ADCY10: variants seen among roughly 807,000 people sequenced by gnomAD.
ADCY10 encodes adenylate cyclase type 10.
ADCY10 carries 156 observed loss-of-function variants against 183.3 expected under a neutral mutation model. That is an observed-to-expected ratio of 0.85 (90% CI 0.75 to 0.97). The LOEUF (loss-of-function observed/expected upper bound fraction) is 0.97, where lower values mean the gene tolerates loss of function less well. ADCY10 is among the 50% of genes least tolerant of loss of function. The pLI, the probability that ADCY10 is intolerant of heterozygous loss-of-function variation, is 0.00. For synonymous variants in ADCY10, 645 were observed against 670.0 expected (o/e 0.96, Z 0.58); for missense variants, 1,745 against 1,934.3 (o/e 0.90, Z 1.84).
chr1:167,899,072 G>A (rs1359454615), intron 6 of ADCY10, among the ~76,000 whole-genome samples: 1 of 152,170 alleles, frequency 6.6e-6, no homozygotes, highest in Non-Finnish European at 1.5e-5. Flanking sequence ...TAAAGAAAGT[G>A]AGGGTCAATG....
chr1:167,847,358 T>C (rs1475208919), intron 19 of ADCY10, among the ~76,000 whole-genome samples: 3 of 152,324 alleles, frequency 2.0e-5, no homozygotes, highest in African/African-American at 4.8e-5. Context: ...GAGTTCATAC[T>C]AAAACATTCC....
intron 23 of ADCY10, 32 bp downstream of exon 23, chr1:167,836,276 AG>A (rs1558165121): frequency 7.1e-7 from 1 of 1,405,184 alleles, no homozygotes; most frequent in East Asian, 2.3e-5. Flanking sequence ...AATTGTCTCT[AG>A]GGTGGAGGTG....
intron 7 of ADCY10, 58 bp downstream of exon 7, chr1:167,896,537 A>G (rs930475225): frequency 2.4e-5 from 32 of 1,359,682 alleles, no homozygotes; most frequent in Non-Finnish European, 3.2e-5. Flanking sequence ...CGGCATTGAT[A>G]TAAGACCCTA....
intron 13 of ADCY10, among the ~76,000 whole-genome samples, chr1:167,872,849 A>C (rs1016644649): frequency 6.6e-6 from 1 of 151,236 alleles, no homozygotes; most frequent in African/African-American, 2.4e-5. Context: ...AGGCGGGCAG[A>C]TCACGAGATC....
chr1:167,880,272 G>A, intron 10 of ADCY10, 81 bp from the exon 11 acceptor site: 1 of 1,298,790 alleles, frequency 7.7e-7, no homozygotes, highest in Non-Finnish European at 1.1e-6. Flanking sequence ...GGGAAATAAT[G>A]TCTGGGTTGG....
Position 167,905,076 on chromosome 1 carries a change from T to A in ADCY10, c.65A>T (p.Asp22Val). 1 of 1,614,152 alleles carries A rather than the reference T, an allele frequency of 6.2e-7. No individual in the cohort carries two copies. The highest frequency in any genetic ancestry group is 8.5e-7 in the Non-Finnish European group (1 of 1,180,024). The stretch of plus-strand genomic sequence containing the variant: ...GGAGAAATGTCCATAGACAATGAGG[T>A]CTGGTAAATGAGCTGCTATTCTGAC... The part of the protein sequence containing the change: ...PIVRIAAHLP[D>V]LIVYGHFSPE... Residue 22 changes from aspartate to valine, a missense_variant, in exon 2 of 33, where the codon GAC (aspartate) becomes GTC (valine). Transcript: ENST00000367851.
chr1:167,891,587 C>T (rs1325743221), intron 8 of ADCY10, among the ~76,000 whole-genome samples: 2 of 149,018 alleles, frequency 1.3e-5, no homozygotes, highest in East Asian at 4.0e-4. Flanking sequence ...ACCCGGGAGG[C>T]GGAGCTTGCA....
Position 167,855,185 on chromosome 1 carries a change from T to C in ADCY10, c.2172-696A>G, listed in dbSNP as rs138934287. ...AAAATACAAAATTAGCTGGGCGTAG[T>C]GGGGCATGCCTGCAATCCCAGCTAC... On this transcript the variant is annotated intron_variant, in intron 17 of 32. Coordinates refer to ENST00000367851, the MANE Select transcript of ADCY10 (RefSeq NM_018417.6). Among the ~76,000 whole-genome samples, 780 of 152,214 alleles carry C rather than the reference T, an allele frequency of 5.1e-3. 7 individuals are homozygous for C. Among genetic ancestry groups the C allele is most frequent in the African/African-American group, 0.018 (752 of 41,516 alleles).
intron 17 of ADCY10, 83 bp from the exon 18 acceptor site, chr1:167,854,572 G>T: frequency 6.7e-7 from 1 of 1,502,780 alleles, no homozygotes; most frequent in Non-Finnish European, 9.3e-7. Flanking sequence ...TCAATCACTT[G>T]AAAATAATTT....
intron 1 of ADCY10, among the ~76,000 whole-genome samples, chr1:167,906,296 A>C (rs1311937139): frequency 1.3e-5 from 2 of 152,118 alleles, no homozygotes; most frequent in African/African-American, 4.8e-5. Flanking sequence ...GATAACCTTT[A>C]AAAGGAAAAG....
chr1:167,866,887 C>T (rs1440962870), intron 14 of ADCY10, among the ~76,000 whole-genome samples: 1 of 152,182 alleles, frequency 6.6e-6, no homozygotes, highest in Admixed American at 6.5e-5. Context: ...AAGGCTGGCC[C>T]CCATATCTAA....
chr1:167,906,541 A>G (rs1669829529), intron 1 of ADCY10, among the ~76,000 whole-genome samples: 2 of 150,708 alleles, frequency 1.3e-5, no homozygotes, highest in South Asian at 4.2e-4. Context: ...TAATCCCAGC[A>G]CTTTGGGAGG....
chr1:167,837,455 T>G, intron 21 of ADCY10, 137 bp from the exon 22 acceptor site: 1 of 741,090 alleles, frequency 1.3e-6, no homozygotes, highest in Non-Finnish European at 2.4e-6. Flanking sequence ...CTAGTCCCCA[T>G]TGTATCTTAG....
chr1:167,838,734 A>G (rs984056305), intron 21 of ADCY10, among the ~76,000 whole-genome samples: 2 of 152,214 alleles, frequency 1.3e-5, no homozygotes, highest in Admixed American at 1.3e-4. Context: ...AGACCCATAT[A>G]TTCAAATACC....
rs973695490 is a variant in ADCY10, at chr1:167,895,090, G to A, written c.740-1149C>T. On this transcript the variant is annotated intron_variant, in intron 7 of 32. Transcript: ENST00000367851. The stretch of plus-strand genomic sequence containing the variant: ...CCAGCTACTCAGGAGGCTGAGGCAG[G>A]AGAATCGCTTGAACCCGGGAGGCAG... Among the ~76,000 whole-genome samples the A allele has an allele frequency of 5.3e-5, 8 of 151,556 alleles. 1 individual carries two copies. Among genetic ancestry groups the A allele is most frequent in the African/African-American group, 1.9e-4 (8 of 41,278 alleles).
At chr1:167,854,310 T>G (rs765506435) in intron 18 of ADCY10, 43 bp downstream of exon 18, 6 of 1,613,578 alleles carry the variant, frequency 3.7e-6, no homozygotes, top group Non-Finnish European at 5.1e-6. Flanking sequence ...AGACTTAAGT[T>G]AGGCAGAACA....
intron 31 of ADCY10, among the ~76,000 whole-genome samples, chr1:167,812,627 A>G (rs1662290580): frequency 6.6e-6 from 1 of 152,246 alleles, no homozygotes; most frequent in African/African-American, 2.4e-5. Flanking sequence ...GAAACAGGAA[A>G]GCATGGCTCA....
intron 8 of ADCY10, among the ~76,000 whole-genome samples, 199 bp from the exon 9 acceptor site, chr1:167,883,827 G>T (rs1250442748): frequency 6.6e-6 from 1 of 152,170 alleles, no homozygotes; most frequent in Admixed American, 6.5e-5. Flanking sequence ...GGGGACTTAT[G>T]CATGTGCTAA....
At position 167,860,975 on chromosome 1, in the gene ADCY10, T is replaced by C. The variant is rs1666242030; in HGVS notation, c.1705A>G (p.Thr569Ala). ...MFMANVLGLD[T>A]CKHYKERQTN... is the part of the protein sequence containing the mutation. ...TGTCGTTCTTTATAATGTTTACAAG[T>C]GTCTAGGCCTAGGACATTGGCCATG... is the stretch of plus-strand genomic sequence containing the variant. The change falls in exon 15 of 33, where the codon ACT becomes GCT. Residue 569 changes from threonine (T) to alanine (A), a missense_variant. Coordinates refer to ENST00000367851, the MANE Select transcript of ADCY10 (RefSeq NM_018417.6). 12 of 1,614,148 alleles carry C rather than the reference T, an allele frequency of 7.4e-6. 1 individual carries two copies. The East Asian group carries it at 2.5e-4, about 33-fold the overall frequency.
Sources: gnomAD v4.1 joint callset for allele counts (sites outside exome capture counted in the v4.1 genomes callset) on GRCh38, gnomAD v4.1.1 for gene constraint, MANE v1.5 for transcripts, NCBI Gene and HGNC (gene_info 2026-07-23, HGNC 2026-07-21) for gene names.